Variants in FBN1 observed in about 807,000 individuals in gnomAD.
The protein encoded by FBN1 is fibrillin-1.
FBN1 carries 29 observed loss-of-function variants against 365.1 expected under a neutral mutation model. The ratio of observed to expected loss-of-function variants is 0.08; its 90% CI spans 0.06 to 0.11. The LOEUF (loss-of-function observed/expected upper bound fraction) is 0.11. Among genes scored for constraint, FBN1 ranks in the 10% least tolerant of loss-of-function variants. The pLI is 1.00. For missense variants in FBN1, 2,476 were observed against 3,703.2 expected (o/e 0.67, Z 8.60); for synonymous variants, 1,210 against 1,270.5 (o/e 0.95, Z 1.01).
chr15:48,555,197 T>A (rs574300974), intron 6 of FBN1, among the ~76,000 whole-genome samples: 3 of 152,290 alleles, frequency 2.0e-5, no homozygotes, highest in Non-Finnish European at 4.4e-5. Flanking sequence ...GGCTAAACTG[T>A]CCCAGCCCTG....
intron 6 of FBN1, among the ~76,000 whole-genome samples, chr15:48,562,498 G>A (rs956447690): frequency 6.6e-6 from 1 of 152,166 alleles, no homozygotes; most frequent in Non-Finnish European, 1.5e-5. Flanking sequence ...GGGCATGAAC[G>A]TTTTAGGTGT....
chr15:48,535,228 G>A (rs1270560106), intron 7 of FBN1, among the ~76,000 whole-genome samples: 1 of 152,026 alleles, frequency 6.6e-6, no homozygotes, highest in African/African-American at 2.4e-5. Flanking sequence ...TTCCTTCCCT[G>A]TTTATTTTTT....
intron 43 of FBN1, 81 bp from the exon 44 acceptor site, chr15:48,456,843 C>A: frequency 2.7e-6 from 2 of 742,924 alleles, no homozygotes; most frequent in Non-Finnish European, 2.3e-6. Context: ...AAAGTGCGTG[C>A]GTGTGTGTGT....
chr15:48,582,661 C>G (rs937373530), intron 6 of FBN1, among the ~76,000 whole-genome samples: 1 of 152,230 alleles, frequency 6.6e-6, no homozygotes, highest in Non-Finnish European at 1.5e-5. Flanking sequence ...AGGGACAAGA[C>G]TGCAGGCATC....
chr15:48,445,852 G>C (rs2043154229), intron 47 of FBN1, among the ~76,000 whole-genome samples: 1 of 151,560 alleles, frequency 6.6e-6, no homozygotes, highest in East Asian at 1.9e-4. Flanking sequence ...TTCAGCTAAG[G>C]GCATTCCTTT....
chr15:48,525,036 A>C (rs1305110669), intron 9 of FBN1, among the ~76,000 whole-genome samples: 1 of 152,192 alleles, frequency 6.6e-6, no homozygotes, highest in Non-Finnish European at 1.5e-5. Flanking sequence ...AATCTAGAAC[A>C]CTGCACTTTT....
intron 6 of FBN1, among the ~76,000 whole-genome samples, chr15:48,575,749 T>C (rs1017124657): frequency 6.6e-6 from 1 of 151,456 alleles, no homozygotes; most frequent in Non-Finnish European, 1.5e-5. Flanking sequence ...AGCAAAGATA[T>C]AGAATCAACA....
intron 43 of FBN1, among the ~76,000 whole-genome samples, chr15:48,458,589 A>T (rs966223311): frequency 3.3e-5 from 5 of 152,238 alleles, no homozygotes; most frequent in African/African-American, 1.2e-4. Context: ...ATTCGTTTTA[A>T]ATATAAGTGA....
chr15:48,594,013 A>G (rs1483461075), intron 6 of FBN1, among the ~76,000 whole-genome samples: 1 of 152,214 alleles, frequency 6.6e-6, no homozygotes, highest in South Asian at 2.1e-4. Flanking sequence ...ATACTTCCCC[A>G]CACTTCAGGA....
rs61323481 is a variant in FBN1, at chr15:48,596,258, C to A, written c.538+25G>T. ...AGCTTTAGGTACCAGCATGTCTTTA[C>A]GTAAATGATTTTAAAAACCATTACC... On this transcript the variant is annotated intron_variant, in intron 6 of 65. Transcript: ENST00000316623. 4.4e-6 allele frequency: 7 copies of A among 1,600,302 alleles called. No homozygotes were observed. In the African/African-American group the frequency reaches 6.7e-5, roughly 15 times the overall value.
chr15:48,480,943 C>T (rs1031479562), intron 32 of FBN1, among the ~76,000 whole-genome samples: 1 of 152,104 alleles, frequency 6.6e-6, no homozygotes, highest in Non-Finnish European at 1.5e-5. Context: ...AATGTCATTG[C>T]CTCATATTTG....
In FBN1 at chr15:48,453,303, A is replaced by AC. The variant is rs1490059503; in HGVS notation, c.5423-620_5423-619insG. On this transcript the variant is annotated intron_variant, in intron 44 of 65. Transcript: ENST00000316623. ...CAAAAAATAAAACAAACAAAAAAAA[A>AC]ACACACACAAAAAAAAAGGAAAAAA... 8.7e-3 allele frequency among the ~76,000 whole-genome samples: 1,221 copies of AC among 140,736 alleles called. 15 individuals are homozygous for AC. The highest frequency in any genetic ancestry group is 0.028 in the African/African-American group (1,009 of 36,232). The allele number at this position is 140,736 out of a possible 152,430, so 92.3% of individuals were successfully genotyped here.
intron 4 of FBN1, among the ~76,000 whole-genome samples, chr15:48,607,836 T>C (rs1250951476): frequency 6.6e-6 from 1 of 152,208 alleles, no homozygotes; most frequent in Non-Finnish European, 1.5e-5. Context: ...AATGAGTAAA[T>C]TCATACATCA....
At position 48,644,872 on chromosome 15, in the gene FBN1, T is replaced by A; in HGVS notation, c.-103A>T. 8.6e-7 allele frequency: 1 copy of A among 1,163,058 alleles called. No individual in the cohort carries two copies. Among genetic ancestry groups the A allele is most frequent in the Non-Finnish European group, 1.1e-6 (1 of 915,904 alleles). The allele number at this position is 1,163,058 out of a possible 1,614,324, so 72.0% of individuals were successfully genotyped here. On this transcript the variant is annotated 5_prime_UTR_variant, in exon 2 of 66. Coordinates refer to ENST00000316623, the MANE Select transcript of FBN1 (RefSeq NM_000138.5). ...GCGCACCGCGCCGCCGGGGTCCCGCTATCCCGCCGCCCGTCCCCCGGGCCG... is the reference window on the plus strand; with the variant it reads ...GCGCACCGCGCCGCCGGGGTCCCGCAATCCCGCCGCCCGTCCCCCGGGCCG...
At chr15:48,478,565 T>A (rs2043441746) in intron 32 of FBN1, among the ~76,000 whole-genome samples, 1 of 148,738 alleles carries the variant, frequency 6.7e-6, no homozygotes, top group East Asian at 2.2e-4. Flanking sequence ...CCATCAAAGA[T>A]GACACCTAGC....
At chr15:48,443,267 A>C (rs551311988) in intron 49 of FBN1, among the ~76,000 whole-genome samples, 3 of 152,288 alleles carry the variant, frequency 2.0e-5, no homozygotes, top group African/African-American at 4.8e-5. Flanking sequence ...TCTTAATATA[A>C]AAGTTAACTT....
At chr15:48,486,412 T>G (rs2043507155) in intron 29 of FBN1, among the ~76,000 whole-genome samples, 1 of 152,160 alleles carries the variant, frequency 6.6e-6, no homozygotes, top group African/African-American at 2.4e-5. Flanking sequence ...TCTACAAAGT[T>G]TCACTTTGAC....
chr15:48,465,795 A>G lies in FBN1; in HGVS notation c.4811T>C (p.Leu1604Ser). 1 of 1,613,668 alleles carries G rather than the reference A, an allele frequency of 6.2e-7. No individual in the cohort carries two copies. Among genetic ancestry groups the G allele is most frequent in the Non-Finnish European group, 8.5e-7 (1 of 1,179,548 alleles). ...GFRPNPITVI[L>S]EDIDECQELP... ...GACAAAGGAAACACAATTACCTTCCAATATAACGGTGATAGGATTTGGTCG... is the reference window on the plus strand; with the variant it reads ...GACAAAGGAAACACAATTACCTTCCGATATAACGGTGATAGGATTTGGTCG... The change falls in exon 39 of 66, where the codon TTG (leucine) becomes TCG (serine). Residue 1604 changes from leucine (L) to serine (S), a missense_variant. Physicochemically the swap from Leu to Ser is moderately radical, Grantham distance 145. Around this residue, in one of 5 missense-constraint regions of FBN1, gnomAD observed 1,780 missense variants for 2,840.8 expected, o/e 0.63. Coordinates refer to ENST00000316623, the MANE Select transcript of FBN1 (RefSeq NM_000138.5).
chr15:48,423,638 G>A (rs1240119216), intron 60 of FBN1, among the ~76,000 whole-genome samples: 2 of 152,142 alleles, frequency 1.3e-5, no homozygotes, highest in African/African-American at 2.4e-5. Context: ...TGCTGCTCTT[G>A]CCTCCAAGAT....
Sources: allele counts gnomAD v4.1 joint callset (sites outside exome capture counted in the v4.1 genomes callset), GRCh38; gene constraint gnomAD v4.1.1; regional missense constraint gnomAD v4.1.1; transcripts MANE v1.5; gene names NCBI Gene and HGNC (gene_info 2026-07-23, HGNC 2026-07-21).